OAT: variants seen among roughly 807,000 people sequenced by gnomAD.
The protein encoded by OAT is ornithine aminotransferase, also known as ornithine aminotransferase, mitochondrial.
A neutral mutation model predicts 48.4 loss-of-function variants in OAT; 35 were observed. The ratio of observed to expected loss-of-function variants is 0.72; its 90% confidence interval spans 0.55 to 0.96. OAT has a LOEUF of 0.96. Ranked by LOEUF, OAT falls within the 40% of genes least tolerant of loss-of-function variation. OAT has a pLI of 0.00. For missense variants in OAT, 438 were observed against 537.9 expected, an observed-to-expected ratio of 0.81 and a Z score of 1.84; for synonymous variants, 182 against 198.4, an observed-to-expected ratio of 0.92 and a Z score of 0.70.
Position 124,397,963 on chromosome 10 carries a change from G to A in OAT, c.1299C>T (p.Asn433=). ...ACCCTCAGAAAGACAAGATGGTCTTGTTAATAATTTCAATGGACTCTCGAA... is the reference window on the plus strand; with the variant it reads ...ACCCTCAGAAAGACAAGATGGTCTTATTAATAATTTCAATGGACTCTCGAA... ...DELRESIEII[N]KTILSF The change falls in exon 10 of 10, where the codon AAC becomes AAT. Residue 433 remains asparagine, a synonymous_variant. Transcript: ENST00000368845. The A allele has an allele frequency of 6.2e-7, 1 of 1,613,872 alleles. No individual in the cohort carries two copies. The highest frequency in any genetic ancestry group is 8.5e-7 in the Non-Finnish European group (1 of 1,179,860).
chr10:124,416,524 C>CA (rs1951922579), intron 1 of OAT, among the ~76,000 whole-genome samples: 1 of 152,196 alleles, frequency 6.6e-6, no homozygotes, highest in Non-Finnish European at 1.5e-5. Flanking sequence ...CGCCCATACT[C>CA]AGGTCCTGGA....
At position 124,403,778 on chromosome 10, in the gene OAT, C is replaced by G; in HGVS notation, c.771+20G>C. On this transcript the variant is annotated intron_variant, in intron 6 of 9. Transcript: ENST00000368845. ...GCTAACTCGACATTCAGCCTTATCA[C>G]AAACAGCTAACGTGACAACCTGGTG... 6.2e-7 allele frequency: 1 copy of G among 1,613,444 alleles called. No individual in the cohort carries two copies. The highest frequency in any genetic ancestry group is 2.2e-5 in the East Asian group (1 of 44,882).
intron 4 of OAT, chr10:124,407,594 T>G (rs113138635): frequency 4.7e-6 from 1 of 214,648 alleles, no homozygotes. Context: ...TCGGTTGAAC[T>G]CTGGATTCTA....
chr10:124,401,022 TC>T, intron 8 of OAT, 38 bp from the exon 9 acceptor site: 3 of 1,550,634 alleles, frequency 1.9e-6, no homozygotes, highest in South Asian at 1.1e-5. Context: ...ATTAAGACTG[TC>T]CTTTTTTTGT....
chr10:124,408,672 A>G lies in OAT; in HGVS notation c.425-35T>C. 2.5e-6 allele frequency: 4 copies of G among 1,591,196 alleles called. No individual in the cohort carries two copies. In the East Asian group the frequency reaches 8.9e-5, roughly 36 times the overall value. ...GAGAAAAATGTTCAGATTTTTTTAA[A>G]ATGTTAAACTATCAAAAAATAAAAA... On this transcript the variant is annotated intron_variant, in intron 3 of 9. Coordinates refer to ENST00000368845, the MANE Select transcript of OAT (RefSeq NM_000274.4).
Position 124,408,553 on chromosome 10 carries a change from A to G in OAT, c.509T>C (p.Ile170Thr). The G allele has an allele frequency of 6.2e-7, 1 of 1,610,796 alleles. No individual in the cohort carries two copies. Among genetic ancestry groups the G allele is most frequent in the South Asian group, 1.1e-5 (1 of 90,970 alleles). Residue 170 changes from isoleucine to threonine, a missense_variant, in exon 4 of 10, where the codon ATT (isoleucine) becomes ACT (threonine). Ile to Thr is a moderately conservative substitution (Grantham distance 89, BLOSUM62 -1). Transcript: ENST00000368845. The part of the protein sequence containing the change: ...VKGIQKYKAK[I>T]VFAAGNFWGR... Reference sequence around the variant, plus strand: ...TTAATTTCACATACCTGCAAAAACAATCTTTGCTTTGTATTTCTGAATGCC... The same window carrying G: ...TTAATTTCACATACCTGCAAAAACAGTCTTTGCTTTGTATTTCTGAATGCC...
At chr10:124,411,442 T>C (rs750929457) in intron 2 of OAT, among the ~76,000 whole-genome samples, 3 of 152,190 alleles carry the variant, frequency 2.0e-5, no homozygotes, top group Non-Finnish European at 4.4e-5. Context: ...CATTCCCTCT[T>C]GGTAAGGTCT....
At chr10:124,406,106 C>T in intron 4 of OAT, 1 of 985,144 alleles carries the variant, frequency 1.0e-6, no homozygotes, top group Non-Finnish European at 1.2e-6. Flanking sequence ...CTTTATGATG[C>T]TAAATGACAG....
chr10:124,410,083 C>T (rs1313973816), intron 2 of OAT, among the ~76,000 whole-genome samples: 1 of 152,170 alleles, frequency 6.6e-6, no homozygotes, highest in Non-Finnish European at 1.5e-5. Flanking sequence ...ATGTGTGATA[C>T]TCTTATATTG....
chr10:124,404,743 A>G (rs1280545667), intron 5 of OAT, among the ~76,000 whole-genome samples: 1 of 152,166 alleles, frequency 6.6e-6, no homozygotes, highest in Non-Finnish European at 1.5e-5. Flanking sequence ...TAATACACAA[A>G]TGTACCTAAA....
Position 124,405,558 on chromosome 10 carries a change from T to C in OAT, c.526A>G (p.Asn176Asp), listed in dbSNP as rs1171475806. The C allele has an allele frequency of 6.2e-7, 1 of 1,613,840 alleles. No individual in the cohort carries two copies. The highest frequency in any genetic ancestry group is 8.5e-7 in the Non-Finnish European group (1 of 1,179,838). Residue 176 changes from asparagine (N) to aspartate (D), a missense_variant, in exon 5 of 10, where the codon AAC (asparagine) becomes GAC (aspartate). Physicochemically the swap from Asn to Asp is conservative, Grantham distance 23. Transcript: ENST00000368845. ...GCAGACAACGTCCTACCCCAGAAGT[T>C]CCCAGCTACAAAGGGGAAACAAACA... ...YKAKIVFAAG[N>D]FWGRTLSAIS...
rs780894014 is a variant in OAT at position 124,398,026 on chromosome 10, G to A, written c.1236C>T (p.Ile412=). 6.2e-7 allele frequency: 1 copy of A among 1,614,056 alleles called. No individual in the cohort carries two copies. Among genetic ancestry groups the A allele is most frequent in the Non-Finnish European group, 8.5e-7 (1 of 1,179,948 alleles). Residue 412 remains isoleucine, a synonymous_variant, in exon 10 of 10, where the codon ATC becomes ATT. Transcript: ENST00000368845. ...LLAKPTHGDI[I]RFAPPLVIKE... ...TGATCACCAGCGGAGGCGCAAACCTGATAATGTCGCCATGGGTTGGCTTGG... is the reference window on the plus strand; with the variant it reads ...TGATCACCAGCGGAGGCGCAAACCTAATAATGTCGCCATGGGTTGGCTTGG...
intron 2 of OAT, among the ~76,000 whole-genome samples, chr10:124,410,964 A>C (rs2134485219): frequency 6.6e-6 from 1 of 151,900 alleles, no homozygotes; most frequent in South Asian, 2.1e-4. Flanking sequence ...ACATGATGAA[A>C]CCCTGTCTCT....
rs956427344 is a variant in OAT, at chr10:124,402,982, T to C, written c.845A>G (p.Asn282Ser). Residue 282 changes from asparagine to serine, a missense_variant, in exon 7 of 10, where the codon AAT becomes AGT. Asn to Ser is a conservative substitution (Grantham distance 46). Coordinates refer to ENST00000368845, the MANE Select transcript of OAT (RefSeq NM_000274.4). Reference protein sequence around the residue: ...TGRWLAVDYENVRPDIVLLGK... With the variant: ...TGRWLAVDYESVRPDIVLLGK... The stretch of plus-strand genomic sequence containing the variant: ...AAGGAGGACTATATCAGGTCTGACA[T>C]TTTCATAATCAACAGCCAGCCATCT... The C allele has an allele frequency of 1.1e-5, 18 of 1,614,046 alleles. No homozygotes were observed. Among genetic ancestry groups the C allele is most frequent in the Non-Finnish European group, 1.4e-5 (17 of 1,180,028 alleles).
At chr10:124,408,334 TATATATATA>T (rs1414655137) in intron 4 of OAT, among the ~76,000 whole-genome samples, 199 bp downstream of exon 4, 68 of 94,672 alleles carry the variant, frequency 7.2e-4, no homozygotes, top group East Asian at 2.2e-3. Context: ...TATATATATA[TATATATATA>T]TTTTTTTTTT....
At chr10:124,414,371 A>G (rs938362834) in intron 1 of OAT, 1 of 152,238 alleles carries the variant, frequency 6.6e-6, no homozygotes, top group Non-Finnish European at 1.5e-5. Context: ...CCCACGGTTC[A>G]GTCTAGAATA....
At chr10:124,400,412 C>T (rs921221846) in intron 9 of OAT, among the ~76,000 whole-genome samples, 2 of 148,102 alleles carry the variant, frequency 1.4e-5, no homozygotes, top group African/African-American at 2.5e-5. Context: ...GGCGCCATTG[C>T]ACTCCAGCCT....
rs1951391200 is a variant in OAT, at chr10:124,400,964, A to T, written c.1035T>A (p.Leu345=). 1 of 1,611,640 alleles carries T rather than the reference A, an allele frequency of 6.2e-7. No homozygotes were observed. The change falls in exon 9 of 10, where the codon CTT becomes CTA. Residue 345 remains leucine, a synonymous_variant. Transcript: ENST00000368845. ...TGCCCAATTTGTCTGCATTTTCAGC[A>T]AGGTTTTCTTCTTCTAAAACCTACG... ...AALEVLEEEN[L]AENADKLGII... is the part of the protein sequence containing the mutation.
chr10:124,403,132 TC>T, intron 6 of OAT, 77 bp from the exon 7 acceptor site: 1 of 1,490,330 alleles, frequency 6.7e-7, no homozygotes, highest in Non-Finnish European at 9.4e-7. Context: ...TATTTCACTG[TC>T]CCCCCACCAA....
Sources: allele counts gnomAD v4.1 joint callset (sites outside exome capture counted in the v4.1 genomes callset), GRCh38; gene constraint gnomAD v4.1.1; transcripts MANE v1.5; gene names NCBI Gene and HGNC (gene_info 2026-07-23, HGNC 2026-07-21).